The following GNL3 variants were observed in gnomAD, a reference collection of about 807,000 sequenced individuals.
GNL3 encodes guanine nucleotide-binding protein-like 3.
In GNL3, 77 loss-of-function variants were observed where a neutral mutation model predicts 70.6. That is an observed-to-expected ratio of 1.09 (90% CI 0.91 to 1.32). The LOEUF is 1.32. Among genes scored for constraint, GNL3 ranks in the 40% most tolerant of loss-of-function variants. The pLI, the probability that GNL3 is intolerant of heterozygous loss-of-function variation, is 0.00. For synonymous variants in GNL3, 252 were observed against 216.1 expected, an observed-to-expected ratio of 1.17 and a Z score of -1.46; for missense variants, 634 against 644.0, an observed-to-expected ratio of 0.98 and a Z score of 0.17.
rs2097328698 is a variant in GNL3, at chr3:52,692,875, C to T, written c.873C>T (p.Ser291=). 6.2e-7 allele frequency: 1 copy of T among 1,610,824 alleles called. No individual in the cohort carries two copies. Among genetic ancestry groups the T allele is most frequent in the Non-Finnish European group, 8.5e-7 (1 of 1,177,782 alleles). The change falls in exon 10 of 15, where the codon AGC becomes AGT. Residue 291 remains serine, a synonymous_variant. Coordinates refer to ENST00000418458, the MANE Select transcript of GNL3 (RefSeq NM_014366.5). ...NVGVSMGLTR[S]MQVVPLDKQI... is the part of the protein sequence containing the mutation. ...AATTCCATCGCTCTTCTTTCAGGAG[C>T]ATGCAAGTTGTCCCCTTGGACAAAC...
At chr3:52,693,889 A>G (rs1578581895) in intron 13 of GNL3, 82 bp downstream of exon 13, 1 of 1,377,648 alleles carries the variant, frequency 7.3e-7, no homozygotes, top group East Asian at 2.4e-5. Context: ...AAGATAGGAA[A>G]TATTTGAGGC....
Position 52,693,670 on chromosome 3 carries a change from C to G in GNL3, c.1363C>G (p.Gln455Glu), listed in dbSNP as rs368423755. The part of the protein sequence containing the change: ...GPHLANSILF[Q>E]SSGLTNGIIE... ...TCATTTGGCCAATAGCATCCTTTTC[C>G]AGTCTTCCGGTCTGACAAATGGAAT... The change falls in exon 13 of 15, where the codon CAG (glutamine) becomes GAG (glutamate). Residue 455 changes from glutamine to glutamate, a missense_variant. Gln to Glu is a conservative substitution (Grantham distance 29). Coordinates refer to ENST00000418458, the MANE Select transcript of GNL3 (RefSeq NM_014366.5). 1 of 1,613,996 alleles carries G rather than the reference C, an allele frequency of 6.2e-7. No individual in the cohort carries two copies. Among genetic ancestry groups the G allele is most frequent in the African/African-American group, 1.3e-5 (1 of 74,906 alleles).
chr3:52,687,714 CCTG>C, intron 4 of GNL3, 99 bp downstream of exon 4: 1 of 690,614 alleles, frequency 1.4e-6, no homozygotes, highest in South Asian at 1.8e-5. Flanking sequence ...CTCACTGCAA[CCTG>C]GACCACCCAG....
chr3:52,685,936 C>A (rs559619904), upstream of GNL3: 8 of 705,216 alleles, frequency 1.1e-5, no homozygotes, highest in African/African-American at 1.4e-4. Context: ...GCCAAGCGAT[C>A]CCTGCTCCGC....
chr3:52,691,322 A>C (rs2097327029), intron 8 of GNL3: 4 of 604,168 alleles, frequency 6.6e-6, no homozygotes, highest in Non-Finnish European at 1.2e-5. Flanking sequence ...CTGGTTTCTA[A>C]AAGTTCTTGG....
rs140310455 is a variant in GNL3 at position 52,687,222 on chromosome 3, G to C, written c.73-24G>C. ...AAGTATAAAGATATTTTTGTAAGCA[G>C]ACAAAATCTCTTTATTTTAATAGGT... On this transcript the variant is annotated intron_variant, in intron 2 of 14. Transcript: ENST00000418458. The C allele has an allele frequency of 3.9e-3, 6,141 of 1,587,052 alleles. 27 individuals are homozygous for C. Among genetic ancestry groups the C allele is most frequent in the South Asian group, 7.4e-3 (660 of 88,994 alleles).
chr3:52,689,288 T>G, intron 6 of GNL3, 82 bp downstream of exon 6: 2 of 1,258,718 alleles, frequency 1.6e-6, no homozygotes, highest in Non-Finnish European at 2.3e-6. Context: ...GAAGACTGAT[T>G]AGATCCAACT....
At position 52,692,912 on chromosome 3, in the gene GNL3, A is replaced by T. The variant is rs768051780; in HGVS notation, c.910A>T (p.Ile304Leu). Residue 304 changes from isoleucine to leucine, a missense_variant, in exon 10 of 15, where the codon ATA (isoleucine) becomes TTA (leucine). By Grantham distance (5) the Ile-to-Leu change is conservative. Transcript: ENST00000418458. ...VVPLDKQITI[I>L]DSPSFIVSPL... is the part of the protein sequence containing the mutation. ...CCCCTTGGACAAACAGATCACAATC[A>T]TAGATAGTCCGAGCTTCATCGTATC... 33 of 1,613,598 alleles carry T rather than the reference A, an allele frequency of 2.0e-5. No individual in the cohort carries two copies. Among genetic ancestry groups the T allele is most frequent in the African/African-American group, 2.7e-5 (2 of 75,036 alleles).
chr3:52,693,140 G>C, intron 10 of GNL3, 47 bp from the exon 11 acceptor site: 2 of 1,596,014 alleles, frequency 1.3e-6, no homozygotes, highest in South Asian at 1.1e-5. Context: ...TTAAAGTACT[G>C]GCATGTCAGA....
chr3:52,688,101 TC>T lies in GNL3; in HGVS notation c.325-6del, dbSNP rs749318945. The T allele has an allele frequency of 6.4e-7, 1 of 1,554,360 alleles. No homozygotes were observed. Among genetic ancestry groups the T allele is most frequent in the Admixed American group, 1.7e-5 (1 of 59,876 alleles). On this transcript the variant is annotated splice_polypyrimidine_tract_variant and splice_region_variant and intron_variant, in intron 4 of 14. Transcript: ENST00000418458. The stretch of plus-strand genomic sequence containing the variant: ...TAATTTTGTGTTATTTCCCCCTTTA[TC>T]CTCTAGGAGTTTGGGCTTTGCAAAA...
chr3:52,694,018 A>G lies in GNL3; in HGVS notation c.1501-19A>G. The G allele has an allele frequency of 6.2e-7, 1 of 1,605,024 alleles. No homozygotes were observed. The highest frequency in any genetic ancestry group is 8.5e-7 in the Non-Finnish European group (1 of 1,171,792). Reference sequence around the variant, plus strand: ...AGACAAGGGCTACTAATCCAGCACTATTTTTCTTTGTCACACAGGAAAACA... The same window carrying G: ...AGACAAGGGCTACTAATCCAGCACTGTTTTTCTTTGTCACACAGGAAAACA... On this transcript the variant is annotated intron_variant, in intron 13 of 14. Coordinates refer to ENST00000418458, the MANE Select transcript of GNL3 (RefSeq NM_014366.5).
intron 4 of GNL3, chr3:52,687,877 TTTC>T: frequency 1.7e-6 from 1 of 591,220 alleles, no homozygotes; most frequent in Non-Finnish European, 3.0e-6. Flanking sequence ...CCTCCCGAAG[TTTC>T]TGGTATTACA....
chr3:52,686,132 G>T (rs1443595780), intron 1 of GNL3, 27 bp downstream of exon 1: 1 of 1,596,182 alleles, frequency 6.3e-7, no homozygotes, highest in Admixed American at 1.7e-5. Context: ...GGCGGGCGTG[G>T]AGGGACCCAC....
intron 8 of GNL3, 25 bp from the exon 9 acceptor site, chr3:52,691,517 A>G: frequency 1.5e-6 from 2 of 1,333,212 alleles, no homozygotes; most frequent in African/African-American, 1.4e-5. Context: ...TGCTTTTTAT[A>G]TCTGGATTTC....
At chr3:52,686,907 G>A in intron 2 of GNL3, 80 bp downstream of exon 2, 2 of 1,096,060 alleles carry the variant, frequency 1.8e-6, no homozygotes, top group South Asian at 2.6e-5. Context: ...GAAAGTCTGG[G>A]TTAATGTGAT....
chr3:52,691,665 G>T, intron 9 of GNL3, 36 bp downstream of exon 9: 1 of 1,066,016 alleles, frequency 9.4e-7, no homozygotes, highest in South Asian at 1.3e-5. Context: ...ATATTATAGT[G>T]ACACACTATT....
At chr3:52,686,019 C>G (rs2097307770), upstream of GNL3, 3 of 808,092 alleles carry the variant, frequency 3.7e-6, no homozygotes, top group Admixed American at 1.7e-5. Flanking sequence ...GCGTGACGCT[C>G]GTCAGTGGCT....
At position 52,686,790 on chromosome 3, in the gene GNL3, G is replaced by A; in HGVS notation, c.35G>A (p.Arg12His). ...KRPKLKKASKRMTCHKRYKIQ... is the reference protein window; with the variant it reads ...KRPKLKKASKHMTCHKRYKIQ... ...GTAGAGTTAAAGAAAGCAAGTAAAC[G>A]CATGACCTGCCATAAGCGGTATAAA... Residue 12 changes from arginine (R) to histidine (H), a missense_variant, in exon 2 of 15, where the codon CGC becomes CAC. Transcript: ENST00000418458. 1 of 1,612,538 alleles carries A rather than the reference G, an allele frequency of 6.2e-7. No homozygotes were observed. Among genetic ancestry groups the A allele is most frequent in the Non-Finnish European group, 8.5e-7 (1 of 1,178,550 alleles).
At chr3:52,693,566 T>C in intron 12 of GNL3, 22 bp downstream of exon 12, 1 of 1,614,184 alleles carries the variant, frequency 6.2e-7, no homozygotes, top group South Asian at 1.1e-5. Flanking sequence ...GTGTCGCTGC[T>C]GTCTTCATCA....
Sources: gnomAD v4.1 joint callset for allele counts on GRCh38, gnomAD v4.1.1 for gene constraint, MANE v1.5 for transcripts, NCBI Gene and HGNC (gene_info 2026-07-23, HGNC 2026-07-21) for gene names.